MSTO1: variants seen among roughly 807,000 people sequenced by gnomAD.
The protein encoded by MSTO1 is protein misato homolog 1.
MSTO1 carries 24 observed loss-of-function variants against 55.7 expected under a neutral mutation model. The ratio of observed to expected loss-of-function variants is 0.43; its 90% CI spans 0.31 to 0.61. The LOEUF (loss-of-function observed/expected upper bound fraction) is 0.61, where lower values mean the gene tolerates loss of function less well. Among genes scored for constraint, MSTO1 ranks in the 20% least tolerant of loss-of-function variants. The pLI is 0.09. For missense variants in MSTO1, 363 were observed against 625.7 expected, an observed-to-expected ratio of 0.58 and a Z score of 4.48; for synonymous variants, 162 against 252.8, an observed-to-expected ratio of 0.64 and a Z score of 3.41.
At chr1:155,596,664 G>A in the MSTO1 span, among the ~76,000 whole-genome samples, 2 of 152,106 alleles carry the variant, frequency 1.3e-5, no homozygotes, top group African/African-American at 2.4e-5. Flanking sequence ...GTATGTGCCT[G>A]TAGTCCAAGC....
At chr1:155,581,239 A>G in the MSTO1 span, among the ~76,000 whole-genome samples, 4 of 152,102 alleles carry the variant, frequency 2.6e-5, no homozygotes. Context: ...TGTGGGCATT[A>G]TAGGTGTGAG....
chr1:155,589,381 G>T, the MSTO1 span, among the ~76,000 whole-genome samples: 3 of 146,608 alleles, frequency 2.0e-5, no homozygotes, highest in South Asian at 2.2e-4. Context: ...AAGTTTTGGT[G>T]TTTTTTTTTT....
chr1:155,565,663 G>A, the MSTO1 span, among the ~76,000 whole-genome samples: 1 of 152,104 alleles, frequency 6.6e-6, no homozygotes, highest in South Asian at 2.1e-4. Flanking sequence ...CAGTGTATAG[G>A]GAGAGTTACT....
the MSTO1 span, among the ~76,000 whole-genome samples, chr1:155,584,904 T>C: frequency 7.3e-6 from 1 of 137,292 alleles, no homozygotes; most frequent in Non-Finnish European, 1.6e-5. Flanking sequence ...CAGTGCCAGG[T>C]TTTTTTTTTT....
chr1:155,584,510 A>G, the MSTO1 span, among the ~76,000 whole-genome samples: 1 of 151,560 alleles, frequency 6.6e-6, no homozygotes, highest in Non-Finnish European at 1.5e-5. Context: ...TACCAATAAA[A>G]TAATTTCTTT....
At chr1:155,610,012 G>A, upstream of MSTO1, 2 of 548,280 alleles carry the variant, frequency 3.6e-6, no homozygotes, top group South Asian at 4.5e-5. Context: ...TGGAGCAGGA[G>A]CAACGGCGTG....
At chr1:155,596,879 G>A in the MSTO1 span, among the ~76,000 whole-genome samples, 10 of 152,132 alleles carry the variant, frequency 6.6e-5, no homozygotes, top group African/African-American at 2.4e-4. Flanking sequence ...AAAGTGGGAG[G>A]ATCCCTTGAG....
the MSTO1 span, chr1:155,563,826 G>C: frequency 2.9e-6 from 1 of 345,738 alleles, no homozygotes; most frequent in East Asian, 7.8e-5. Context: ...CCTAGGCATA[G>C]GGAAAGTGCA....
intron 4 of MSTO1, 108 bp from the exon 5 acceptor site, chr1:155,611,441 G>A: frequency 6.2e-7 from 1 of 1,608,724 alleles, no homozygotes; most frequent in East Asian, 2.2e-5. Flanking sequence ...GCGACTCGGT[G>A]AACAGAAAGG....
In MSTO1 at chr1:155,612,934, A is replaced by G. The variant is rs1674596401; in HGVS notation, c.1057A>G (p.Met353Val). 1.9e-6 allele frequency: 3 copies of G among 1,613,672 alleles called. No individual in the cohort carries two copies. The highest frequency in any genetic ancestry group is 2.5e-6 in the Non-Finnish European group (3 of 1,179,828). Residue 353 changes from methionine to valine, a missense_variant, in exon 10 of 14, where the codon ATG becomes GTG. Met to Val is a conservative substitution (Grantham distance 21). Transcript: ENST00000245564. ...PYRLCSSPVS[M>V]VHLADMLSFC... ...TCGCCTGTGTTCCTCTCCAGTTTCC[A>G]TGGTTCATCTGGCTGACATGCTGAG...
chr1:155,604,754 A>G, the MSTO1 span, among the ~76,000 whole-genome samples: 64 of 152,302 alleles, frequency 4.2e-4, no homozygotes, highest in Admixed American at 1.7e-3. Context: ...GCACGCCTGT[A>G]GTCCCAGCTA....
At chr1:155,586,591 T>A in the MSTO1 span, 3 of 433,800 alleles carry the variant, frequency 6.9e-6, no homozygotes, top group South Asian at 3.6e-5. Context: ...ATTGTCAGTT[T>A]CCCATGTTGC....
the MSTO1 span, among the ~76,000 whole-genome samples, chr1:155,603,169 A>C: frequency 1.3e-5 from 2 of 152,104 alleles, no homozygotes; most frequent in African/African-American, 2.4e-5. Flanking sequence ...CTTTGAGACC[A>C]GCCTGGCCAA....
At chr1:155,602,097 G>T in the MSTO1 span, 1 of 698,318 alleles carries the variant, frequency 1.4e-6, no homozygotes, top group Non-Finnish European at 2.7e-6. Flanking sequence ...AAAAATTGCC[G>T]GGATGTTCTG....
At chr1:155,612,637 G>A (rs1368168079) in intron 9 of MSTO1, 67 bp downstream of exon 9, 14 of 1,532,420 alleles carry the variant, frequency 9.1e-6, no homozygotes, top group African/African-American at 4.1e-5. Context: ...CCAGTCAGCC[G>A]CTGTCTGTTA....
chr1:155,569,881 GA>G, the MSTO1 span, among the ~76,000 whole-genome samples: 1 of 152,058 alleles, frequency 6.6e-6, no homozygotes, highest in Non-Finnish European at 1.5e-5. Flanking sequence ...TTGAAAATCT[GA>G]AACCTTAAGT....
chr1:155,612,955 C>T lies in MSTO1; in HGVS notation c.1078C>T (p.Leu360=). ...TTCCATGGTTCATCTGGCTGACATG[C>T]TGAGCTTCTGTGGGAAAAAGGTATG... ...PVSMVHLADM[L]SFCGKKVVTA... Residue 360 remains leucine (L), a synonymous_variant, in exon 10 of 14, where the codon CTG becomes TTG. Transcript: ENST00000245564. 1.9e-6 allele frequency: 3 copies of T among 1,613,992 alleles called. No individual in the cohort carries two copies. The Admixed American group carries it at 5.0e-5, about 27-fold the overall frequency.
chr1:155,596,660 G>A, the MSTO1 span, among the ~76,000 whole-genome samples: 4 of 152,064 alleles, frequency 2.6e-5, no homozygotes, highest in African/African-American at 7.2e-5. Context: ...AGTGGTATGT[G>A]CCTGTAGTCC....
Position 155,613,316 on chromosome 1 carries a change from T to C in MSTO1, c.1283+83T>C. On this transcript the variant is annotated intron_variant, in intron 11 of 13. Coordinates refer to ENST00000245564, the MANE Select transcript of MSTO1 (RefSeq NM_018116.4). ...CCCTAATTTCTCTGGGGCATTCTAA[T>C]GATACTGTTCCCTCCCCACCCCTTA... The C allele has an allele frequency of 2.5e-6, 4 of 1,579,736 alleles. No individual in the cohort carries two copies. The South Asian group carries it at 3.5e-5, about 14-fold the overall frequency.
Sources: gnomAD v4.1 joint callset for allele counts (sites outside exome capture counted in the v4.1 genomes callset) on GRCh38, gnomAD v4.1.1 for gene constraint, MANE v1.5 for transcripts, NCBI Gene and HGNC (gene_info 2026-07-23, HGNC 2026-07-21) for gene names.